Variants in NRDE2 observed in about 807,000 individuals in gnomAD.
NRDE2 encodes the protein nuclear exosome regulator NRDE2.
Under a neutral mutation model 124.2 loss-of-function variants are expected in NRDE2, and 76 were observed. The observed-to-expected ratio is 0.61, with a 90% CI of 0.51 to 0.74. The LOEUF (loss-of-function observed/expected upper bound fraction) is 0.74, where lower values mean the gene tolerates loss of function less well. Among genes scored for constraint, NRDE2 ranks in the 30% least tolerant of loss-of-function variants. NRDE2 has a pLI of 0.00. For missense variants in NRDE2, 1,314 were observed against 1,417.3 expected (o/e 0.93, Z 1.17); for synonymous variants, 489 against 528.1 (o/e 0.93, Z 1.01).
chr14:90,315,976 A>G (rs535601843), intron 3 of NRDE2, among the ~76,000 whole-genome samples: 90 of 151,534 alleles, frequency 5.9e-4, no homozygotes, highest in South Asian at 4.4e-3. Context: ...AAAAAAAAAA[A>G]AAAGAAAGAA....
Position 90,269,843 on chromosome 14 carries a change from G to T in NRDE2, c.*8493C>A. 2.5e-6 allele frequency: 1 copy of T among 394,260 alleles called. No homozygotes were observed. Among genetic ancestry groups the T allele is most frequent in the Non-Finnish European group, 4.5e-6 (1 of 221,756 alleles). 24.4% of individuals were successfully genotyped at this position (394,260 alleles called of 1,614,324 possible). Reference sequence around the variant, plus strand: ...TTCTGGAAGAAATAATTCATGTGATGGTAGGATTTGTCCTTTTTACATTCA... The same window carrying T: ...TTCTGGAAGAAATAATTCATGTGATTGTAGGATTTGTCCTTTTTACATTCA... On this transcript the variant is annotated 3_prime_UTR_variant, in exon 14 of 14. Coordinates refer to ENST00000354366, the MANE Select transcript of NRDE2 (RefSeq NM_017970.4).
Position 90,299,197 on chromosome 14 carries a change from C to T in NRDE2, c.1546-817G>A, listed in dbSNP as rs1478703051. On this transcript the variant is annotated intron_variant, in intron 7 of 13. Transcript: ENST00000354366. Reference sequence around the variant, plus strand: ...GAGTAGCTGGGATTACAGGCATGAGCCACCACACCCAGCTAATTTTGTGTT... The same window carrying T: ...GAGTAGCTGGGATTACAGGCATGAGTCACCACACCCAGCTAATTTTGTGTT... Among the ~76,000 whole-genome samples the T allele has an allele frequency of 2.0e-5, 3 of 152,214 alleles. No individual in the cohort carries two copies. In the East Asian group the frequency reaches 5.8e-4, roughly 30 times the overall value.
intron 10 of NRDE2, among the ~76,000 whole-genome samples, chr14:90,289,761 C>T (rs1255122992): frequency 6.6e-6 from 1 of 152,140 alleles, no homozygotes. Flanking sequence ...CTAATTTTTG[C>T]ATTTTTAGTA....
intron 5 of NRDE2, 90 bp downstream of exon 5, chr14:90,303,845 A>C: frequency 2.5e-6 from 3 of 1,187,366 alleles, no homozygotes; most frequent in Non-Finnish European, 3.6e-6. Flanking sequence ...AAATTTCCTC[A>C]TTTGCTCAAA....
In NRDE2 at chr14:90,272,047, C is replaced by T. The variant is rs920147570; in HGVS notation, c.*6289G>A. 6 of 347,088 alleles carry T rather than the reference C, an allele frequency of 1.7e-5. No homozygotes were observed. The highest frequency in any genetic ancestry group is 5.5e-5 in the South Asian group (2 of 36,096). 21.5% of individuals were successfully genotyped at this position (347,088 alleles called of 1,614,324 possible). Reference sequence around the variant, plus strand: ...AGCTAGGATTACAGGTGCCTGCCACCGTCCCTGGCTAACTTTTTGTATTTT... The same window carrying T: ...AGCTAGGATTACAGGTGCCTGCCACTGTCCCTGGCTAACTTTTTGTATTTT... On this transcript the variant is annotated 3_prime_UTR_variant, in exon 14 of 14. Coordinates refer to ENST00000354366, the MANE Select transcript of NRDE2 (RefSeq NM_017970.4). This position sits in a 1 kb window ranked among gnomAD's most constrained non-coding sequence, Gnocchi z 4.5.
chr14:90,328,843 G>A (rs1296908344), intron 1 of NRDE2, among the ~76,000 whole-genome samples: 6 of 152,186 alleles, frequency 3.9e-5, no homozygotes, highest in Non-Finnish European at 1.5e-5. Flanking sequence ...GAATGAAGGA[G>A]AGGAAGAAAC....
intron 4 of NRDE2, among the ~76,000 whole-genome samples, chr14:90,306,396 T>G (rs920622424): frequency 1.3e-5 from 2 of 152,236 alleles, no homozygotes; most frequent in Admixed American, 1.3e-4. Context: ...GACATAAATA[T>G]TCTCTCTCAA....
intron 1 of NRDE2, among the ~76,000 whole-genome samples, chr14:90,318,890 A>C (rs1417573129): frequency 6.6e-6 from 1 of 152,216 alleles, no homozygotes; most frequent in Non-Finnish European, 1.5e-5. Flanking sequence ...TCTTTTAAAA[A>C]ATATTCCATG....
chr14:90,302,599 T>A (rs1884444641), intron 6 of NRDE2, 121 bp downstream of exon 6: 2 of 1,128,124 alleles, frequency 1.8e-6, no homozygotes, highest in Non-Finnish European at 2.4e-6. Flanking sequence ...TTTAAAAAAA[T>A]CAGTTCTATC....
Position 90,290,018 on chromosome 14 carries a change from G to A in NRDE2, c.2229+203C>T, listed in dbSNP as rs144418729. 1.5e-4 allele frequency among the ~76,000 whole-genome samples: 23 copies of A among 152,336 alleles called. No homozygotes were observed. In the East Asian group the frequency reaches 3.9e-3, roughly 26 times the overall value. On this transcript the variant is annotated intron_variant, in intron 10 of 13. Coordinates refer to ENST00000354366, the MANE Select transcript of NRDE2 (RefSeq NM_017970.4). The stretch of plus-strand genomic sequence containing the variant: ...AATAAACAGCTCGAGAGTCACTGAG[G>A]TAGCCTGACTCGTTCCTGCCTTACT...
chr14:90,272,259 C>G lies in NRDE2; in HGVS notation c.*6077G>C, dbSNP rs1041592128. On this transcript the variant is annotated 3_prime_UTR_variant, in exon 14 of 14. Coordinates refer to ENST00000354366, the MANE Select transcript of NRDE2 (RefSeq NM_017970.4). The surrounding 1 kb of genome is among the most constrained non-coding windows in gnomAD (Gnocchi z 4.5). ...GAGTATGTCACTTTCTGAACACACTCTTCTTTCTTACAGGCAATCTGTACA... is the reference window on the plus strand; with the variant it reads ...GAGTATGTCACTTTCTGAACACACTGTTCTTTCTTACAGGCAATCTGTACA... The G allele has an allele frequency of 1.9e-6, 3 of 1,601,546 alleles. No individual in the cohort carries two copies. The highest frequency in any genetic ancestry group is 1.8e-5 in the Admixed American group (1 of 56,110).
At chr14:90,280,753 C>G (rs1173238530) in intron 12 of NRDE2, 4 of 152,344 alleles carry the variant, frequency 2.6e-5, no homozygotes, top group African/African-American at 9.6e-5. Context: ...CTCTCCTGGT[C>G]CTCCTTTCTC....
Position 90,317,099 on chromosome 14 carries a change from T to C in NRDE2, c.174-288A>G, listed in dbSNP as rs139515187. ...TGAAAGTAACCTACCACTTAACAAATATAGTATTTTTAAGACATTATTAAA... is the reference window on the plus strand; with the variant it reads ...TGAAAGTAACCTACCACTTAACAAACATAGTATTTTTAAGACATTATTAAA... On this transcript the variant is annotated intron_variant, in intron 2 of 13. Coordinates refer to ENST00000354366, the MANE Select transcript of NRDE2 (RefSeq NM_017970.4). Among the ~76,000 whole-genome samples the C allele has an allele frequency of 3.7e-4, 57 of 152,256 alleles. No individual in the cohort carries two copies. The East Asian group carries it at 0.011, about 29-fold the overall frequency.
intron 8 of NRDE2, 147 bp downstream of exon 8, chr14:90,298,113 C>T: frequency 1.2e-6 from 1 of 840,332 alleles, no homozygotes; most frequent in Non-Finnish European, 1.9e-6. Flanking sequence ...GAACCCATGA[C>T]ATCTACTTAA....
intron 1 of NRDE2, among the ~76,000 whole-genome samples, chr14:90,319,053 G>C (rs2139709184): frequency 6.6e-6 from 1 of 152,232 alleles, no homozygotes; most frequent in Middle Eastern, 3.4e-3. Context: ...AATGTCTAAA[G>C]ATTTTCTTCT....
In NRDE2 at chr14:90,274,825, CACACACA is replaced by C. The variant is rs1891763908; in HGVS notation, c.*3504_*3510del. ...ACACACACACACACACACACACACA[CACACACA>C]CACACACCCCAATACATATGAATTG... is the stretch of plus-strand genomic sequence containing the variant. On this transcript the variant is annotated 3_prime_UTR_variant, in exon 14 of 14. Transcript: ENST00000354366. 1.1e-5 allele frequency: 1 copy of C among 91,818 alleles called. No homozygotes were observed. The highest frequency in any genetic ancestry group is 2.2e-5 in the Non-Finnish European group (1 of 46,000). 5.7% of individuals were successfully genotyped at this position (91,818 alleles called of 1,614,324 possible). A position where few individuals can be genotyped will look rare whatever the true frequency, so the allele number is the denominator to read the frequency against.
In NRDE2 at chr14:90,270,491, A is replaced by G; in HGVS notation, c.*7845T>C. Reference sequence around the variant, plus strand: ...AATCATCATATTGGTTTACGATTACATCCAAATGGTATATGTGCTTGATAT... The same window carrying G: ...AATCATCATATTGGTTTACGATTACGTCCAAATGGTATATGTGCTTGATAT... On this transcript the variant is annotated 3_prime_UTR_variant, in exon 14 of 14. Coordinates refer to ENST00000354366, the MANE Select transcript of NRDE2 (RefSeq NM_017970.4). The G allele has an allele frequency of 1.1e-6, 1 of 944,026 alleles. No individual in the cohort carries two copies. Among genetic ancestry groups the G allele is most frequent in the Non-Finnish European group, 1.5e-6 (1 of 660,158 alleles). The allele number at this position is 944,026 out of a possible 1,614,324, so 58.5% of individuals were successfully genotyped here.
chr14:90,292,600 C>G, intron 9 of NRDE2, 97 bp downstream of exon 9: 1 of 1,349,490 alleles, frequency 7.4e-7, no homozygotes, highest in Non-Finnish European at 1.0e-6. Context: ...GCTAAGAGAG[C>G]TCCAGCGGCC....
Position 90,312,475 on chromosome 14 carries a change from G to A in NRDE2, c.476C>T (p.Thr159Met), listed in dbSNP as rs201051018. The A allele has an allele frequency of 3.2e-5, 52 of 1,613,982 alleles. No individual in the cohort carries two copies. Among genetic ancestry groups the A allele is most frequent in the East Asian group, 4.5e-5 (2 of 44,874 alleles). The part of the protein sequence containing the change: ...FVWLEDIQAV[T>M]GETFRTDKKP... ...CTTATCTGTTCTGAAGGTTTCTCCC[G>A]TCACAGCCTGAATGTCCTCAAGCCA... The change falls in exon 4 of 14, where the codon ACG (threonine) becomes ATG (methionine). Residue 159 changes from threonine to methionine, a missense_variant. By Grantham distance (81) the Thr-to-Met change is moderately conservative (BLOSUM62 -1). Transcript: ENST00000354366.
Sources: allele counts gnomAD v4.1 joint callset (sites outside exome capture counted in the v4.1 genomes callset), GRCh38; gene constraint gnomAD v4.1.1; non-coding constraint Gnocchi (gnomAD v3.1); transcripts MANE v1.5; gene names NCBI Gene and HGNC (gene_info 2026-07-23, HGNC 2026-07-21).